Variants in SLC9A3 observed in about 807,000 individuals in gnomAD.
SLC9A3 encodes sodium/hydrogen exchanger 3.
SLC9A3 carries 37 observed loss-of-function variants against 86.8 expected under a neutral mutation model. That is an observed-to-expected ratio of 0.43 (90% confidence interval 0.33 to 0.56). The LOEUF is 0.56. Ranked by LOEUF, SLC9A3 falls within the 20% of genes least tolerant of loss-of-function variation. The pLI is 0.06. For missense variants in SLC9A3, 1,011 were observed against 1,171.9 expected, an observed-to-expected ratio of 0.86 and a Z score of 2.00; for synonymous variants, 581 against 528.3, an observed-to-expected ratio of 1.10 and a Z score of -1.37.
Position 492,040 on chromosome 5 carries a change from C to G in SLC9A3, c.243G>C (p.Val81=), listed in dbSNP as rs1213220420. The change falls in exon 2 of 17, where the codon GTG becomes GTC. Residue 81 remains valine, a synonymous_variant. Coordinates refer to ENST00000264938, the MANE Select transcript of SLC9A3 (RefSeq NM_004174.4). ...CGATGAGCAGGGCGCTCTCGGGAACCACGCTGGTGACCTTGTGGGACAGGT... is the reference window on the plus strand; with the variant it reads ...CGATGAGCAGGGCGCTCTCGGGAACGACGCTGGTGACCTTGTGGGACAGGT... ...GFHLSHKVTS[V]VPESALLIVL... is the part of the protein sequence containing the mutation. The G allele has an allele frequency of 2.6e-6, 4 of 1,552,592 alleles. No homozygotes were observed. The highest frequency in any genetic ancestry group is 3.5e-6 in the Non-Finnish European group (4 of 1,146,818).
At chr5:477,490 C>T (rs2126607327) in intron 10 of SLC9A3, 46 bp from the exon 11 acceptor site, 10 of 1,393,090 alleles carry the variant, frequency 7.2e-6, no homozygotes, top group South Asian at 1.2e-5. Flanking sequence ...CAGCCAAGCC[C>T]TAGCTGCTGC....
At chr5:476,478 G>T in intron 12 of SLC9A3, 65 bp downstream of exon 12, 1 of 1,603,334 alleles carries the variant, frequency 6.2e-7, no homozygotes, top group Non-Finnish European at 8.5e-7. Flanking sequence ...GTCCCAGGAG[G>T]GGACGAGGAA....
rs559327447 is a variant in SLC9A3 at position 472,127 on chromosome 5, C to T, written c.*1252G>A. 1.3e-4 allele frequency: 52 copies of T among 399,530 alleles called. No individual in the cohort carries two copies. Among genetic ancestry groups the T allele is most frequent in the East Asian group, 1.3e-3 (18 of 14,050 alleles). 24.7% of individuals were successfully genotyped at this position (399,530 alleles called of 1,614,324 possible). ...GTCTGAGGGATGGATGGACTCCGAG[C>T]ACCCTCCCCGGCTCAGCACCCGCGG... On this transcript the variant is annotated 3_prime_UTR_variant, in exon 17 of 17. Transcript: ENST00000264938.
intron 10 of SLC9A3, 80 bp from the exon 11 acceptor site, chr5:477,524 G>A (rs890981): frequency 0.41 from 402,091 of 980,858 alleles, 85,029 homozygotes; most frequent in African/African-American, 0.64. Context: ...GGGGGGAAGC[G>A]CCCAGAGCTC....
chr5:485,171 C>T lies in SLC9A3; in HGVS notation c.736G>A (p.Asp246Asn). Residue 246 changes from aspartate to asparagine, a missense_variant, in exon 4 of 17, where the codon GAC becomes AAC. Physicochemically the swap from Asp to Asn is conservative, Grantham distance 23. Coordinates refer to ENST00000264938, the MANE Select transcript of SLC9A3 (RefSeq NM_004174.4). ...ALGGDNVTGV[D>N]CVKGIVSFFV... ...TACACACCTATGCCCTTCACGCAGT[C>T]CACGCCAGTCACGTTGTCACCTCCC... 2.5e-6 allele frequency: 4 copies of T among 1,613,862 alleles called. No homozygotes were observed. Among genetic ancestry groups the T allele is most frequent in the Non-Finnish European group, 3.4e-6 (4 of 1,179,894 alleles).
chr5:476,363 T>TGTA lies in SLC9A3; in HGVS notation c.1903_1905dup (p.Tyr635dup). 1 of 1,613,824 alleles carries TGTA rather than the reference T, an allele frequency of 6.2e-7. No homozygotes were observed. The highest frequency in any genetic ancestry group is 8.5e-7 in the Non-Finnish European group (1 of 1,180,002). On this transcript the variant is annotated inframe_insertion, in exon 13 of 17. Coordinates refer to ENST00000264938, the MANE Select transcript of SLC9A3 (RefSeq NM_004174.4). ...TCCGTGGGCGTGAGCTCGTGTCGGC[T>TGTA]GTACAGATGCTTGTACTGCGGGATC...
chr5:482,410 T>C (rs1290600664), intron 7 of SLC9A3, 138 bp downstream of exon 7: 10 of 767,530 alleles, frequency 1.3e-5, no homozygotes, highest in Non-Finnish European at 2.2e-6. Context: ...CGTGAAAACC[T>C]ACAAAACGGC....
rs755902342 is a variant in SLC9A3, at chr5:491,820, C to T, written c.463G>A (p.Ala155Thr). 1.2e-5 allele frequency: 19 copies of T among 1,591,446 alleles called. No individual in the cohort carries two copies. Among genetic ancestry groups the T allele is most frequent in the Admixed American group, 1.8e-5 (1 of 57,132 alleles). The change falls in exon 2 of 17, where the codon GCG becomes ACG. Residue 155 changes from alanine (A) to threonine (T), a missense_variant. Physicochemically the swap from Ala to Thr is moderately conservative, Grantham distance 58. Around this residue, in one of 3 missense-constraint regions of SLC9A3, gnomAD observed 565 missense variants for 790.0 expected, o/e 0.72. Transcript: ENST00000264938. The surrounding 1 kb of genome is among the most constrained non-coding windows in gnomAD (Gnocchi z 9.2). The stretch of plus-strand genomic sequence containing the variant: ...TAGAGGGACAGCCCGGTGGTGGCCG[C>T]GTTCCACACGGTACCCACGACGGCG... Reference protein sequence around the residue: ...LYAVVGTVWNAATTGLSLYGV... With the variant: ...LYAVVGTVWNTATTGLSLYGV...
rs188942349 is a variant in SLC9A3 at position 501,505 on chromosome 5, C to T, written c.212-9434G>A. ...CCCACCCTCCCGGGGGACGAGGGGC[C>T]GGGGCATTCCACAGGCAGGCGCAGA... On this transcript the variant is annotated intron_variant, in intron 1 of 16. Transcript: ENST00000264938. 7.8e-3 allele frequency among the ~76,000 whole-genome samples: 1,191 copies of T among 152,038 alleles called. 6 individuals carry two copies. Among genetic ancestry groups the T allele is most frequent in the South Asian group, 0.032 (153 of 4,812 alleles).
chr5:482,270 G>T (rs926996505), intron 7 of SLC9A3, 113 bp from the exon 8 acceptor site: 146 of 813,154 alleles, frequency 1.8e-4, no homozygotes, highest in Non-Finnish European at 2.7e-4. Context: ...CGCCCTCCCT[G>T]CTCTCCGGGC....
intron 6 of SLC9A3, 106 bp downstream of exon 6, chr5:483,156 C>A: frequency 3.4e-6 from 3 of 884,158 alleles, no homozygotes; most frequent in South Asian, 1.6e-5. Context: ...CTGCCTTGCA[C>A]GGGGCTGCAC....
chr5:475,813 G>C, intron 14 of SLC9A3, 142 bp from the exon 15 acceptor site: 1 of 692,738 alleles, frequency 1.4e-6, no homozygotes, highest in South Asian at 1.8e-5. Context: ...CAGGGCTGGA[G>C]GAGGGACCCC....
chr5:505,023 G>C (rs563550459), intron 1 of SLC9A3, among the ~76,000 whole-genome samples: 2 of 151,964 alleles, frequency 1.3e-5, no homozygotes, highest in African/African-American at 4.8e-5. Context: ...CTTTCCCTGT[G>C]CAAATGGGAA....
In SLC9A3 at chr5:483,480, ATGC is replaced by A. The variant is rs1739318276; in HGVS notation, c.933-1_934del. 6.4e-7 allele frequency: 1 copy of A among 1,570,018 alleles called. No homozygotes were observed. The highest frequency in any genetic ancestry group is 8.6e-7 in the Non-Finnish European group (1 of 1,157,472). On this transcript the variant is annotated splice_acceptor_variant and coding_sequence_variant, in exon 6 of 17. Coordinates refer to ENST00000264938, the MANE Select transcript of SLC9A3 (RefSeq NM_004174.4). LOFTEE classifies it high-confidence loss of function. Reference sequence around the variant, plus strand: ...CTGACAGCAGATGCCACAGAAGGTGATGCTGCAGGGACAGACGCGCCTCAGGAC... The same window carrying A: ...CTGACAGCAGATGCCACAGAAGGTGATGCAGGGACAGACGCGCCTCAGGAC...
intron 7 of SLC9A3, 23 bp from the exon 8 acceptor site, chr5:482,180 C>T: frequency 6.3e-7 from 1 of 1,577,064 alleles, no homozygotes; most frequent in Non-Finnish European, 8.7e-7. Flanking sequence ...GTCTCGTGAC[C>T]CTGGTGCCAG....
At chr5:480,187 C>T (rs570449112) in intron 9 of SLC9A3, 250 of 501,382 alleles carry the variant, frequency 5.0e-4, no homozygotes, top group Non-Finnish European at 8.1e-4. Context: ...AACTGCATGC[C>T]GCCTCCTCCA....
rs778066069 is a variant in SLC9A3, at chr5:507,166, C to CTTTTTTT, written c.212-15102_212-15096dup. On this transcript the variant is annotated intron_variant, in intron 1 of 16. Transcript: ENST00000264938. ...AGAAGGAGGGATCCGGCTGCTGCTTCTTTTTTTTTTTTTTTTTTTTGAGAC... is the reference window on the plus strand; with the variant it reads ...AGAAGGAGGGATCCGGCTGCTGCTTCTTTTTTTTTTTTTTTTTTTTTTTTTTTGAGAC... Among the ~76,000 whole-genome samples the CTTTTTTT allele has an allele frequency of 5.9e-4, 18 of 30,640 alleles. 6 individuals are homozygous for CTTTTTTT. The highest frequency in any genetic ancestry group is 1.2e-3 in the African/African-American group (9 of 7,568). 20.1% of individuals were successfully genotyped at this position (30,640 alleles called of 152,430 possible).
chr5:500,406 C>T (rs1382369709), intron 1 of SLC9A3, among the ~76,000 whole-genome samples: 8 of 152,148 alleles, frequency 5.3e-5, no homozygotes, highest in Non-Finnish European at 8.8e-5. Context: ...TGGCAGGAGA[C>T]GGGGACGGGA....
In SLC9A3 at chr5:476,552, C is replaced by T. The variant is rs762030011; in HGVS notation, c.1881G>A (p.Pro627=). The change falls in exon 12 of 17, where the codon CCG becomes CCA. Residue 627 remains proline (P), a synonymous_variant. Coordinates refer to ENST00000264938, the MANE Select transcript of SLC9A3 (RefSeq NM_004174.4). ...HHTLQQYLYK[P]RQEYKHLYSR... is the part of the protein sequence containing the mutation. ...AGCCCGCAGTGCCCACCTCCTGCCG[C>T]GGCTTGTACAGGTACTGCTGTAGCG... 56 of 1,611,206 alleles carry T rather than the reference C, an allele frequency of 3.5e-5. No individual in the cohort carries two copies. The Middle Eastern group carries it at 5.1e-4, about 15-fold the overall frequency.
Sources: gnomAD v4.1 joint callset for allele counts (sites outside exome capture counted in the v4.1 genomes callset) on GRCh38, gnomAD v4.1.1 for gene constraint, gnomAD v4.1.1 regional missense constraint, Gnocchi (gnomAD v3.1) non-coding constraint, MANE v1.5 for transcripts, NCBI Gene and HGNC (gene_info 2026-07-23, HGNC 2026-07-21) for gene names.